DLGAP1: variants seen among roughly 807,000 people sequenced by gnomAD.
The protein encoded by DLGAP1 is disks large-associated protein 1.
DLGAP1 carries 11 observed loss-of-function variants against 90.8 expected under a neutral mutation model. The observed-to-expected ratio is 0.12, with a 90% CI of 0.08 to 0.20. The LOEUF (loss-of-function observed/expected upper bound fraction) is 0.20. Ranked by LOEUF, DLGAP1 falls within the 10% of genes least tolerant of loss-of-function variation. The probability of loss-of-function intolerance (pLI) is 1.00; values close to 1 mark genes in which losing one functional copy is unlikely to be tolerated. For missense variants in DLGAP1, 1,050 were observed against 1,333.8 expected, an observed-to-expected ratio of 0.79 and a Z score of 3.31; for synonymous variants, 558 against 540.7, an observed-to-expected ratio of 1.03 and a Z score of -0.44.
chr18:3,826,454 T>C (rs1192498986), intron 4 of DLGAP1, among the ~76,000 whole-genome samples: 1 of 152,168 alleles, frequency 6.6e-6, no homozygotes, highest in East Asian at 1.9e-4. Context: ...CATCGCAGGC[T>C]ACATTAAGAG....
chr18:3,874,692 T>C (rs999151165), intron 4 of DLGAP1: 13 of 1,535,140 alleles, frequency 8.5e-6, no homozygotes, highest in Admixed American at 7.9e-5. Context: ...ACAGTTTTAA[T>C]GTCTTCAAAT....
intron 1 of DLGAP1, among the ~76,000 whole-genome samples, chr18:4,376,843 T>C (rs542332082): frequency 1.2e-4 from 19 of 152,240 alleles, no homozygotes; most frequent in African/African-American, 4.6e-4. Flanking sequence ...GTGTTCGAAC[T>C]TGGCATTGTG....
chr18:4,140,415 C>G (rs565796027), intron 2 of DLGAP1, among the ~76,000 whole-genome samples: 1 of 151,854 alleles, frequency 6.6e-6, no homozygotes, highest in Non-Finnish European at 1.5e-5. Context: ...AATAAAAACT[C>G]TACACTTTAA....
chr18:4,011,783 C>G (rs1045165944), intron 2 of DLGAP1, among the ~76,000 whole-genome samples: 3 of 152,084 alleles, frequency 2.0e-5, no homozygotes, highest in African/African-American at 7.2e-5. Context: ...AGGATCACAC[C>G]ACTGAACTCC....
intron 7 of DLGAP1, among the ~76,000 whole-genome samples, chr18:3,588,793 AG>A (rs1186547728): frequency 1.3e-5 from 2 of 148,354 alleles, no homozygotes; most frequent in Non-Finnish European, 3.0e-5. Context: ...AAAAAAAAAA[AG>A]AAAAAAGAAA....
chr18:3,859,272 T>C (rs1163169204), intron 4 of DLGAP1, among the ~76,000 whole-genome samples: 3 of 152,190 alleles, frequency 2.0e-5, no homozygotes, highest in Non-Finnish European at 4.4e-5. Flanking sequence ...AGTGCATATA[T>C]ACAATGATCT....
rs1011027159 is a variant in DLGAP1 at position 4,425,190 on chromosome 18, A to T, written c.-267+29816T>A. 7.9e-5 allele frequency among the ~76,000 whole-genome samples: 12 copies of T among 152,338 alleles called. 1 individual carries two copies. The South Asian group carries it at 2.5e-3, about 32-fold the overall frequency. The stretch of plus-strand genomic sequence containing the variant: ...AAAATTGTTATAAAATGGTTCCACA[A>T]ATCATCACTATAAGAGTTTAGCTGA... On this transcript the variant is annotated intron_variant, in intron 1 of 12. Coordinates refer to ENST00000315677, the MANE Select transcript of DLGAP1 (RefSeq NM_004746.4).
chr18:3,873,219 G>C (rs1053141386), intron 4 of DLGAP1, among the ~76,000 whole-genome samples: 3 of 152,014 alleles, frequency 2.0e-5, no homozygotes, highest in African/African-American at 4.8e-5. Context: ...ATCAGAGAGA[G>C]AGAATTAACA....
chr18:3,904,594 A>G (rs998079658), intron 3 of DLGAP1, among the ~76,000 whole-genome samples: 1 of 152,188 alleles, frequency 6.6e-6, no homozygotes, highest in African/African-American at 2.4e-5. Context: ...GTTTTTAGTG[A>G]TGATTAAAGA....
intron 1 of DLGAP1, among the ~76,000 whole-genome samples, chr18:4,197,349 T>C (rs950724768): frequency 6.6e-6 from 1 of 152,084 alleles, no homozygotes; most frequent in Non-Finnish European, 1.5e-5. Flanking sequence ...TGGAGTACAA[T>C]GCCCTGGGGT....
chr18:3,780,161 G>GA (rs1224771112), intron 5 of DLGAP1, among the ~76,000 whole-genome samples: 2 of 152,164 alleles, frequency 1.3e-5, no homozygotes, highest in Non-Finnish European at 2.9e-5. Context: ...TGCTCATATG[G>GA]AAAATGTAAT....
At chr18:3,594,551 G>A (rs1181029753) in intron 7 of DLGAP1, 1 of 152,136 alleles carries the variant, frequency 6.6e-6, no homozygotes, top group Non-Finnish European at 1.5e-5. Flanking sequence ...ATGAAGAGTG[G>A]AAGTCAAGGC....
intron 10 of DLGAP1, among the ~76,000 whole-genome samples, chr18:3,524,283 A>G (rs997811048): frequency 6.6e-6 from 1 of 152,124 alleles, no homozygotes; most frequent in African/African-American, 2.4e-5. Context: ...TCAATTAAAA[A>G]AAAAAGAAAG....
intron 2 of DLGAP1, among the ~76,000 whole-genome samples, chr18:4,016,498 A>G (rs1411485761): frequency 1.3e-5 from 2 of 152,220 alleles, no homozygotes; most frequent in Non-Finnish European, 2.9e-5. Context: ...CTGAGCCACA[A>G]CAGATTACCC....
At chr18:4,369,175 A>G (rs1387821438) in intron 1 of DLGAP1, among the ~76,000 whole-genome samples, 10 of 152,234 alleles carry the variant, frequency 6.6e-5, no homozygotes, top group Non-Finnish European at 1.5e-5. Flanking sequence ...TTCAGTTGAA[A>G]TAACTTTTCC....
intron 4 of DLGAP1, among the ~76,000 whole-genome samples, chr18:3,862,478 A>T (rs1003288776): frequency 6.6e-6 from 1 of 152,194 alleles, no homozygotes. Context: ...GTGAGAATGG[A>T]GATATCACGT....
chr18:3,741,138 T>C (rs1317423492), intron 6 of DLGAP1, among the ~76,000 whole-genome samples: 11 of 33,586 alleles, frequency 3.3e-4, no homozygotes, highest in South Asian at 1.3e-3. Flanking sequence ...CACCACCACA[T>C]CACCATCACC....
At chr18:4,271,074 A>G (rs1171043464) in intron 1 of DLGAP1, among the ~76,000 whole-genome samples, 1 of 152,122 alleles carries the variant, frequency 6.6e-6, no homozygotes, top group Admixed American at 6.5e-5. Context: ...CTGATTCACA[A>G]TCCCCTCTAT....
intron 8 of DLGAP1, among the ~76,000 whole-genome samples, chr18:3,574,626 AGG>A (rs1257378943): frequency 2.0e-5 from 3 of 152,082 alleles, no homozygotes; most frequent in African/African-American, 7.2e-5. Flanking sequence ...GACTGGAGAG[AGG>A]TCCCTCCAAA....
Sources: gnomAD v4.1 joint callset for allele counts (sites outside exome capture counted in the v4.1 genomes callset) on GRCh38, gnomAD v4.1.1 for gene constraint, MANE v1.5 for transcripts, NCBI Gene and HGNC (gene_info 2026-07-23, HGNC 2026-07-21) for gene names.